Variants in DNAH8 observed in about 807,000 individuals in gnomAD.
DNAH8 encodes axonemal beta dynein heavy chain 8.
Under a neutral mutation model 562.1 loss-of-function variants are expected in DNAH8, and 382 were observed. That is an observed-to-expected ratio of 0.68 (90% CI 0.63 to 0.74). DNAH8 has a LOEUF of 0.74. DNAH8 is among the 30% of genes least tolerant of loss of function. DNAH8 has a pLI of 0.00. For synonymous variants in DNAH8, 1,881 were observed against 1,919.4 expected (o/e 0.98, Z 0.52); for missense variants, 5,203 against 5,620.4 (o/e 0.93, Z 2.37).
intron 26 of DNAH8, among the ~76,000 whole-genome samples, chr6:38,819,053 A>G (rs1461911136): frequency 6.6e-6 from 1 of 152,124 alleles, no homozygotes; most frequent in Non-Finnish European, 1.5e-5. Context: ...ATTTTCTAGG[A>G]CTTATTTATG....
chr6:38,942,497 T>G (rs988025801), intron 79 of DNAH8, among the ~76,000 whole-genome samples: 2 of 152,078 alleles, frequency 1.3e-5, no homozygotes, highest in East Asian at 1.9e-4. Context: ...AACTCCCAGA[T>G]AGGAGATGCC....
At chr6:38,995,789 C>T (rs1024931404) in intron 88 of DNAH8, among the ~76,000 whole-genome samples, 1 of 152,168 alleles carries the variant, frequency 6.6e-6, no homozygotes, top group Non-Finnish European at 1.5e-5. Flanking sequence ...GCTCTGTAGA[C>T]CTTGGTCTGA....
chr6:38,934,872 A>G (rs1238360509), intron 76 of DNAH8, among the ~76,000 whole-genome samples: 1 of 152,240 alleles, frequency 6.6e-6, no homozygotes, highest in African/African-American at 2.4e-5. Context: ...TATGTATTCT[A>G]TAGAGATATA....
chr6:38,744,713 C>T (rs1764789313), intron 8 of DNAH8, among the ~76,000 whole-genome samples: 1 of 152,122 alleles, frequency 6.6e-6, no homozygotes, highest in Admixed American at 6.6e-5. Flanking sequence ...CTGCCTCAGC[C>T]TCCTGAGTAG....
At chr6:38,763,650 CAAAAA>C in intron 11 of DNAH8, 1 of 173,042 alleles carries the variant, frequency 5.8e-6, no homozygotes, top group Non-Finnish European at 1.2e-5. Context: ...CCTGTCTCTA[CAAAAA>C]ACTTAGCCAG....
chr6:38,822,019 T>C lies in DNAH8; in HGVS notation c.3524-819T>C, dbSNP rs140988577. On this transcript the variant is annotated intron_variant, in intron 26 of 92. Transcript: ENST00000327475. ...TGAATATGCATATAGTGAATATACA[T>C]ATAGTGATACACAGGCCGATTCCTC... is the stretch of plus-strand genomic sequence containing the variant. Among the ~76,000 whole-genome samples, 7 of 152,330 alleles carry C rather than the reference T, an allele frequency of 4.6e-5. No individual in the cohort carries two copies. In the East Asian group the frequency reaches 1.3e-3, roughly 29 times the overall value.
chr6:38,857,881 T>C, intron 42 of DNAH8, 139 bp downstream of exon 42: 1 of 624,020 alleles, frequency 1.6e-6, no homozygotes, highest in East Asian at 2.8e-5. Context: ...GTCCACAGTA[T>C]TGTATTTCTG....
chr6:39,014,013 G>GT (rs144785126), intron 91 of DNAH8, among the ~76,000 whole-genome samples: 29 of 151,718 alleles, frequency 1.9e-4, no homozygotes, highest in South Asian at 6.3e-4. Context: ...TTTGTGCAGG[G>GT]TTTTTTTTGT....
In DNAH8 at chr6:38,729,981, G is replaced by T; in HGVS notation, c.605G>T (p.Gly202Val). The T allele has an allele frequency of 1.3e-6, 2 of 1,553,408 alleles. No homozygotes were observed. Among genetic ancestry groups the T allele is most frequent in the Non-Finnish European group, 1.8e-6 (2 of 1,130,186 alleles). ...TTGTACCAAGAAGGAGATGTACCTG[G>T]TATTGGTAAGAATTTTCTGAGGGCA... ...KFLYQEGDVPGIECGRTIAGA... is the reference protein window; with the variant it reads ...KFLYQEGDVPVIECGRTIAGA... The change falls in exon 4 of 93, where the codon GGT becomes GTT. Residue 202 changes from glycine to valine, a missense_variant. Physicochemically the swap from Gly to Val is moderately radical, Grantham distance 109. This residue lies in a region of DNAH8 where 556 missense variants were observed against 496.9 expected (regional missense o/e 1.12). Transcript: ENST00000327475.
intron 87 of DNAH8, among the ~76,000 whole-genome samples, chr6:38,986,722 G>T (rs1056905366): frequency 6.6e-6 from 1 of 152,248 alleles, no homozygotes; most frequent in Non-Finnish European, 1.5e-5. Context: ...GGGATCAAGT[G>T]CGTGGGTGAA....
intron 71 of DNAH8, 32 bp from the exon 72 acceptor site, chr6:38,923,025 GT>G (rs773042426): frequency 6.3e-7 from 1 of 1,596,072 alleles, no homozygotes; most frequent in East Asian, 2.2e-5. Flanking sequence ...ACTTAGAAAA[GT>G]TTTTTGAGAC....
intron 7 of DNAH8, 111 bp from the exon 8 acceptor site, chr6:38,741,600 A>G (rs991961159): frequency 1.2e-4 from 99 of 850,884 alleles, no homozygotes; most frequent in Middle Eastern, 3.4e-4. Context: ...TTTAAACATT[A>G]TTTGGTATTG....
chr6:38,896,992 G>T (rs897269002), intron 60 of DNAH8, among the ~76,000 whole-genome samples: 11 of 151,886 alleles, frequency 7.2e-5, no homozygotes, highest in African/African-American at 1.5e-4. Context: ...TCACCGTGTT[G>T]GTCCTGTGAT....
rs1775642975 is a variant in DNAH8 at position 38,850,326 on chromosome 6, A to G, written c.5275A>G (p.Ile1759Val). The G allele has an allele frequency of 1.9e-6, 3 of 1,613,608 alleles. No individual in the cohort carries two copies. Among genetic ancestry groups the G allele is most frequent in the South Asian group, 1.1e-5 (1 of 91,068 alleles). ...GCGAGCTCATGAGAATCCCAATGTGATTAATTGCTGTGTTGGAGATGAAAC... is the reference window on the plus strand; with the variant it reads ...GCGAGCTCATGAGAATCCCAATGTGGTTAATTGCTGTGTTGGAGATGAAAC... The part of the protein sequence containing the change: ...MQRAHENPNV[I>V]NCCVGDETMG... The change falls in exon 38 of 93, where the codon ATT becomes GTT. Residue 1759 changes from isoleucine to valine, a missense_variant. Physicochemically the swap from Ile to Val is conservative, Grantham distance 29. This residue lies in a region of DNAH8 where 2,176 missense variants were observed against 2,365.1 expected (regional missense o/e 0.92). Transcript: ENST00000327475.
At chr6:38,807,835 C>T (rs1771431270) in intron 24 of DNAH8, 119 bp downstream of exon 24, 1 of 452,444 alleles carries the variant, frequency 2.2e-6, no homozygotes, top group Non-Finnish European at 3.6e-6. Context: ...CATTAAAAGA[C>T]TGTATGAAAG....
chr6:38,752,577 T>C (rs1447645296), intron 9 of DNAH8, among the ~76,000 whole-genome samples: 1 of 152,240 alleles, frequency 6.6e-6, no homozygotes, highest in African/African-American at 2.4e-5. Flanking sequence ...CATGGTTTTG[T>C]TGACCAACCT....
At position 38,778,379 on chromosome 6, in the gene DNAH8, T is replaced by TAAA; in HGVS notation, c.1963-9_1963-8insAAA. On this transcript the variant is annotated splice_polypyrimidine_tract_variant and intron_variant, in intron 13 of 92. Transcript: ENST00000327475. The stretch of plus-strand genomic sequence containing the variant: ...CAAAAATCATTTAAATATTAATATT[T>TAAA]TATTTTAGGTACAAATACAGGCATT... 1 of 1,439,038 alleles carries TAAA rather than the reference T, an allele frequency of 6.9e-7. No homozygotes were observed. Among genetic ancestry groups the TAAA allele is most frequent in the Non-Finnish European group, 9.6e-7 (1 of 1,036,950 alleles). 89.1% of individuals were successfully genotyped at this position (1,439,038 alleles called of 1,614,324 possible). A position where few individuals can be genotyped will look rare whatever the true frequency, so the allele number is the denominator to read the frequency against.
chr6:38,855,468 C>A (rs934698072), intron 41 of DNAH8, among the ~76,000 whole-genome samples: 1 of 152,052 alleles, frequency 6.6e-6, no homozygotes, highest in Non-Finnish European at 1.5e-5. Context: ...CCTTCCAATA[C>A]GTTATTTATG....
chr6:38,733,073 G>A (rs956322397), intron 4 of DNAH8, among the ~76,000 whole-genome samples: 6 of 152,102 alleles, frequency 3.9e-5, no homozygotes, highest in East Asian at 3.9e-4. Flanking sequence ...AAATTATTTT[G>A]TATTGACAAG....
Sources: allele counts gnomAD v4.1 joint callset (sites outside exome capture counted in the v4.1 genomes callset), GRCh38; gene constraint gnomAD v4.1.1; regional missense constraint gnomAD v4.1.1; transcripts MANE v1.5; gene names NCBI Gene and HGNC (gene_info 2026-07-23, HGNC 2026-07-21).